The following PDE10A variants were observed in gnomAD, a reference collection of about 807,000 sequenced individuals.
PDE10A encodes cAMP and cAMP-inhibited cGMP 3',5'-cyclic phosphodiesterase 10A.
A neutral mutation model predicts 97.7 loss-of-function variants in PDE10A; 39 were observed. The ratio of observed to expected loss-of-function variants is 0.40; its 90% CI spans 0.31 to 0.52. PDE10A has a LOEUF of 0.52. PDE10A is among the 20% of genes least tolerant of loss of function. The pLI, the probability that PDE10A is intolerant of heterozygous loss-of-function variation, is 0.56. For missense variants in PDE10A, 731 were observed against 1,047.8 expected, an observed-to-expected ratio of 0.70 and a Z score of 4.17; for synonymous variants, 371 against 376.8, an observed-to-expected ratio of 0.98 and a Z score of 0.18.
At position 165,532,574 on chromosome 6, in the gene PDE10A, C is replaced by G. The variant is rs544088302; in HGVS notation, c.994+10866G>C. 3.6e-4 allele frequency among the ~76,000 whole-genome samples: 55 copies of G among 152,042 alleles called. 1 individual carries two copies. In the South Asian group the frequency reaches 9.8e-3, roughly 27 times the overall value. ...AGAATTTAAGCTGTGCCTGGAGCTA[C>G]TAGTAGTTCCCAAACTAGCAAGCAT... is the stretch of plus-strand genomic sequence containing the variant. On this transcript the variant is annotated intron_variant, in intron 2 of 21. Coordinates refer to ENST00000539869, the MANE Select transcript of PDE10A (RefSeq NM_001385079.1).
chr6:165,493,001 A>T (rs1780316130), intron 2 of PDE10A, among the ~76,000 whole-genome samples: 1 of 152,192 alleles, frequency 6.6e-6, no homozygotes, highest in South Asian at 2.1e-4. Flanking sequence ...CAGGATACAA[A>T]ATTAATGTAC....
At position 165,632,806 on chromosome 6, in the gene PDE10A, AG is replaced by A. The variant is rs1788694930; in HGVS notation, c.865+29140del. ...GTTCCTTTGGGCACATGAACTTCTC[AG>A]GGAACACCAGCTACAGGACATTTCC... On this transcript the variant is annotated intron_variant, in intron 1 of 21. Transcript: ENST00000539869. Among the ~76,000 whole-genome samples the A allele has an allele frequency of 2.6e-5, 4 of 152,208 alleles. No individual in the cohort carries two copies. In the South Asian group the frequency reaches 8.3e-4, roughly 32 times the overall value.
intron 1 of PDE10A, among the ~76,000 whole-genome samples, chr6:165,731,573 C>A (rs148338692): frequency 3.3e-5 from 5 of 152,304 alleles, no homozygotes; most frequent in Non-Finnish European, 5.9e-5. Flanking sequence ...CTTGATTGAT[C>A]CAGAAAATAC....
intron 1 of PDE10A, among the ~76,000 whole-genome samples, chr6:165,557,922 G>A (rs78895844): frequency 0.011 from 1,681 of 152,292 alleles, 39 homozygotes; most frequent in South Asian, 0.1. Flanking sequence ...TATAGCTGAC[G>A]TGATTAATTC....
chr6:165,878,017 C>G, intron 1 of PDE10A, among the ~76,000 whole-genome samples: 1 of 152,150 alleles, frequency 6.6e-6, no homozygotes, highest in East Asian at 1.9e-4. Flanking sequence ...CTCCACTGCA[C>G]AGAGATAAAC....
rs755735682 is a variant in PDE10A, at chr6:165,543,486, T to C, written c.948A>G (p.Ala316=). Residue 316 remains alanine (A), a synonymous_variant, in exon 2 of 22, where the codon GCA becomes GCG. Coordinates refer to ENST00000539869, the MANE Select transcript of PDE10A (RefSeq NM_001385079.1). The part of the protein sequence containing the change: ...LDEFVSESVS[A]ETVEKWLKRK... ...TCTTCAGCCATTTCTCTACTGTCTC[T>C]GCACTAACACTTTCAGATACAAATT... 2 of 1,613,318 alleles carry C rather than the reference T, an allele frequency of 1.2e-6. No individual in the cohort carries two copies. Among genetic ancestry groups the C allele is most frequent in the East Asian group, 2.2e-5 (1 of 44,844 alleles).
chr6:165,535,230 AAT>A (rs113648418), intron 2 of PDE10A, among the ~76,000 whole-genome samples: 88 of 147,672 alleles, frequency 6.0e-4, no homozygotes, highest in Middle Eastern at 3.4e-3. Context: ...TGCCTTTTAA[AAT>A]ATATATATAT....
intron 1 of PDE10A, among the ~76,000 whole-genome samples, chr6:165,728,873 C>G (rs111821664): frequency 2.0e-4 from 30 of 152,118 alleles, no homozygotes; most frequent in African/African-American, 7.0e-4. Flanking sequence ...GCTTTACTGC[C>G]TAATTTATAT....
At chr6:165,514,024 T>C (rs1289501472) in intron 2 of PDE10A, among the ~76,000 whole-genome samples, 1 of 152,206 alleles carries the variant, frequency 6.6e-6, no homozygotes, top group Non-Finnish European at 1.5e-5. Flanking sequence ...CAACTGTCCT[T>C]CTACTCTGCT....
Position 165,479,682 on chromosome 6 carries a change from C to G in PDE10A, c.1023+2633G>C, listed in dbSNP as rs148789782. 3.8e-3 allele frequency among the ~76,000 whole-genome samples: 583 copies of G among 152,286 alleles called. 7 individuals are homozygous for G. The highest frequency in any genetic ancestry group is 0.019 in the Admixed American group (288 of 15,288). ...TCTGAACTGTTTCCACAACTCCCCTCTATACTATGAGAACCTGAATACTGT... is the reference window on the plus strand; with the variant it reads ...TCTGAACTGTTTCCACAACTCCCCTGTATACTATGAGAACCTGAATACTGT... On this transcript the variant is annotated intron_variant, in intron 3 of 21. Transcript: ENST00000539869.
chr6:165,556,703 T>C (rs923603098), intron 1 of PDE10A, among the ~76,000 whole-genome samples: 1 of 152,154 alleles, frequency 6.6e-6, no homozygotes, highest in South Asian at 2.1e-4. Flanking sequence ...AATGAGCCTG[T>C]GGACAAGCAT....
At chr6:165,633,578 G>A (rs1254322005) in intron 1 of PDE10A, among the ~76,000 whole-genome samples, 7 of 152,132 alleles carry the variant, frequency 4.6e-5, no homozygotes, top group East Asian at 3.9e-4. Flanking sequence ...GGGAAAGGTC[G>A]TCTGGAGGAG....
In PDE10A at chr6:165,614,846, TA is replaced by T. The variant is rs879601131; in HGVS notation, c.865+47100del. On this transcript the variant is annotated intron_variant, in intron 1 of 21. Transcript: ENST00000539869. ...ATGCTGAGTGTAGGAGGCATTCAATTAAAAAAAAAAAAGAAAAAGTAATAAG... is the reference window on the plus strand; with the variant it reads ...ATGCTGAGTGTAGGAGGCATTCAATTAAAAAAAAAAAGAAAAAGTAATAAG... Among the ~76,000 whole-genome samples, 577 of 141,110 alleles carry T rather than the reference TA, an allele frequency of 4.1e-3. 1 individual carries two copies. Among genetic ancestry groups the T allele is most frequent in the African/African-American group, 7.1e-3 (277 of 38,974 alleles). The allele number at this position is 141,110 out of a possible 152,430, so 92.6% of individuals were successfully genotyped here. A position where few individuals can be genotyped will look rare whatever the true frequency, so the allele number is the denominator to read the frequency against.
chr6:165,758,189 G>T (rs1793161756), intron 1 of PDE10A, among the ~76,000 whole-genome samples: 1 of 152,202 alleles, frequency 6.6e-6, no homozygotes, highest in South Asian at 2.1e-4. Flanking sequence ...ATACCAGGCT[G>T]GGTGCAGTGG....
At chr6:165,358,402 A>C (rs980673616) in intron 18 of PDE10A, among the ~76,000 whole-genome samples, 32 of 151,584 alleles carry the variant, frequency 2.1e-4, no homozygotes, top group African/African-American at 7.5e-4. Context: ...TTCTGCATTT[A>C]TTATGTCTTT....
intron 2 of PDE10A, among the ~76,000 whole-genome samples, chr6:165,485,106 G>A (rs1430497869): frequency 6.6e-6 from 1 of 152,142 alleles, no homozygotes; most frequent in Non-Finnish European, 1.5e-5. Context: ...TATATGTGGT[G>A]ACCAGCTATC....
At chr6:165,615,079 G>C (rs535024641) in intron 1 of PDE10A, among the ~76,000 whole-genome samples, 5 of 151,582 alleles carry the variant, frequency 3.3e-5, no homozygotes, top group Admixed American at 3.3e-4. Flanking sequence ...GTACAGTGGC[G>C]GGCAGCTGTA....
Position 165,543,523 on chromosome 6 carries a change from T to C in PDE10A, c.911A>G (p.Gln304Arg). ...TTCAGATACAAATTCATCTAATACC[T>C]GGGGGTGAAGAGAAAGATATGCCTT... ...KVKAYLSLHP[Q>R]VLDEFVSESV... The change falls in exon 2 of 22, where the codon CAG becomes CGG. Residue 304 changes from glutamine (Q) to arginine (R), a missense_variant. This residue lies in a region of PDE10A where 181 missense variants were observed against 159.1 expected (regional missense o/e 1.14). Coordinates refer to ENST00000539869, the MANE Select transcript of PDE10A (RefSeq NM_001385079.1). 6.2e-7 allele frequency: 1 copy of C among 1,610,836 alleles called. No homozygotes were observed. Among genetic ancestry groups the C allele is most frequent in the Non-Finnish European group, 8.5e-7 (1 of 1,177,720 alleles).
intron 2 of PDE10A, among the ~76,000 whole-genome samples, chr6:165,503,406 T>C (rs1781012061): frequency 1.3e-5 from 2 of 152,178 alleles, no homozygotes; most frequent in Admixed American, 1.3e-4. Flanking sequence ...GCACAGGGAA[T>C]GATGGGAGTT....
Sources: gnomAD v4.1 joint callset for allele counts (sites outside exome capture counted in the v4.1 genomes callset) on GRCh38, gnomAD v4.1.1 for gene constraint, gnomAD v4.1.1 regional missense constraint, MANE v1.5 for transcripts, NCBI Gene and HGNC (gene_info 2026-07-23, HGNC 2026-07-21) for gene names.